The following NKAIN3 variants were observed in gnomAD, a reference collection of about 807,000 sequenced individuals.
NKAIN3 encodes sodium/potassium-transporting ATPase subunit beta-1-interacting protein 3.
In NKAIN3, 25 loss-of-function variants were observed where a neutral mutation model predicts 30.2. The observed-to-expected ratio is 0.83, with a 90% CI of 0.60 to 1.16. The LOEUF is 1.16. NKAIN3 is among the 50% of genes most tolerant of loss of function. NKAIN3 has a pLI of 0.00. For missense variants in NKAIN3, 225 were observed against 254.1 expected (o/e 0.89, Z 0.78); for synonymous variants, 91 against 89.6 (o/e 1.02, Z -0.09).
intron 1 of NKAIN3, among the ~76,000 whole-genome samples, chr8:62,376,432 TAA>T (rs1468801535): frequency 6.6e-6 from 1 of 152,224 alleles, no homozygotes; most frequent in Non-Finnish European, 1.5e-5. Context: ...GCTTATCATC[TAA>T]ATGCTGTCTC....
intron 3 of NKAIN3, among the ~76,000 whole-genome samples, chr8:62,706,440 T>C (rs571068118): frequency 6.6e-6 from 1 of 152,204 alleles, no homozygotes; most frequent in East Asian, 1.9e-4. Flanking sequence ...CTAAAAGTAA[T>C]GGATACTTTC....
At chr8:62,866,403 A>C (rs1820415776) in intron 4 of NKAIN3, among the ~76,000 whole-genome samples, 2 of 152,218 alleles carry the variant, frequency 1.3e-5, no homozygotes, top group Admixed American at 1.3e-4. Flanking sequence ...AAATTTTAGC[A>C]GCTTTTTTAT....
intron 1 of NKAIN3, among the ~76,000 whole-genome samples, chr8:62,409,403 C>G (rs1246563888): frequency 2.6e-5 from 4 of 152,138 alleles, no homozygotes; most frequent in Non-Finnish European, 5.9e-5. Flanking sequence ...AGGCTGGTCT[C>G]AAACTTCTGA....
chr8:62,459,653 A>G (rs1472571711), intron 1 of NKAIN3, among the ~76,000 whole-genome samples: 1 of 152,220 alleles, frequency 6.6e-6, no homozygotes, highest in African/African-American at 2.4e-5. Flanking sequence ...AGTAAGGTCA[A>G]GAAAAGTTTC....
At chr8:62,328,714 T>C (rs1490648540) in intron 1 of NKAIN3, among the ~76,000 whole-genome samples, 2 of 152,132 alleles carry the variant, frequency 1.3e-5, no homozygotes, top group Non-Finnish European at 2.9e-5. Flanking sequence ...AGCCCAGAAC[T>C]TTGCATAAAT....
chr8:62,805,604 G>C (rs1292650292), intron 4 of NKAIN3, among the ~76,000 whole-genome samples: 1 of 152,166 alleles, frequency 6.6e-6, no homozygotes, highest in Non-Finnish European at 1.5e-5. Context: ...GCCATATGTA[G>C]AAAGCTGAAA....
intron 1 of NKAIN3, among the ~76,000 whole-genome samples, chr8:62,534,314 G>C (rs907146392): frequency 2.0e-5 from 3 of 152,140 alleles, no homozygotes; most frequent in Non-Finnish European, 4.4e-5. Flanking sequence ...TGAAACACCT[G>C]TCTGGAAGAA....
rs545246958 is a variant in NKAIN3 at position 62,971,069 on chromosome 8, C to T, written c.*5662C>T. On this transcript the variant is annotated 3_prime_UTR_variant, in exon 7 of 7. Coordinates refer to ENST00000623646, the MANE Select transcript of NKAIN3 (RefSeq NM_001304533.3). ...TTCCCTAGAGACAAGGACCGAGACT[C>T]CTCTCATTGCTTCATCCTCTGTGGC... Among the ~76,000 whole-genome samples, 1 of 73,728 alleles carries T rather than the reference C, an allele frequency of 1.4e-5. No individual in the cohort carries two copies. The highest frequency in any genetic ancestry group is 1.6e-4 in the Admixed American group (1 of 6,120). The allele number at this position is 73,728 out of a possible 152,430, so 48.4% of individuals were successfully genotyped here.
intron 1 of NKAIN3, among the ~76,000 whole-genome samples, chr8:62,295,592 C>A (rs761980602): frequency 6.6e-6 from 1 of 152,032 alleles, no homozygotes; most frequent in African/African-American, 2.4e-5. Context: ...TGTAGTATAG[C>A]GGTTTCTATT....
chr8:62,322,758 A>G lies in NKAIN3; in HGVS notation c.54+73631A>G, dbSNP rs1002656468. ...ATCATGCTACAGATGGGGACAAAAC[A>G]TTTGCTGACAAACAAACAAAAACAC... is the stretch of plus-strand genomic sequence containing the variant. On this transcript the variant is annotated intron_variant, in intron 1 of 6. Coordinates refer to ENST00000623646, the MANE Select transcript of NKAIN3 (RefSeq NM_001304533.3). 2.6e-5 allele frequency among the ~76,000 whole-genome samples: 4 copies of G among 152,190 alleles called. No individual in the cohort carries two copies. In the East Asian group the frequency reaches 7.7e-4, roughly 29 times the overall value.
chr8:62,483,706 C>A, intron 1 of NKAIN3: 2 of 301,758 alleles, frequency 6.6e-6, no homozygotes, highest in South Asian at 7.8e-5. Flanking sequence ...AAGCCCTTGC[C>A]GAGTCAATAA....
At chr8:62,796,729 T>C (rs1443236370) in intron 4 of NKAIN3, among the ~76,000 whole-genome samples, 1 of 151,318 alleles carries the variant, frequency 6.6e-6, no homozygotes, top group African/African-American at 2.4e-5. Flanking sequence ...GTAATTTAAT[T>C]TGGTAGAAAG....
chr8:62,830,785 C>G (rs1317427455), intron 4 of NKAIN3, among the ~76,000 whole-genome samples: 1 of 152,158 alleles, frequency 6.6e-6, no homozygotes, highest in Non-Finnish European at 1.5e-5. Context: ...ATGCAGAGAA[C>G]TTCCAGCAGA....
At chr8:62,638,062 A>C (rs889840288) in intron 3 of NKAIN3, among the ~76,000 whole-genome samples, 1 of 152,142 alleles carries the variant, frequency 6.6e-6, no homozygotes, top group Non-Finnish European at 1.5e-5. Context: ...GCCTTGTGGA[A>C]ATATGTAAAA....
chr8:62,463,894 A>G (rs1461799065), intron 1 of NKAIN3, among the ~76,000 whole-genome samples: 1 of 152,166 alleles, frequency 6.6e-6, no homozygotes, highest in Non-Finnish European at 1.5e-5. Context: ...ACTGTAATAA[A>G]GACTGTAGCT....
intron 3 of NKAIN3, among the ~76,000 whole-genome samples, chr8:62,707,052 TACATACACAC>T (rs886762112): frequency 1.5e-4 from 15 of 99,268 alleles, no homozygotes; most frequent in African/African-American, 3.9e-4. Flanking sequence ...CCATCATACA[TACATACACAC>T]ACACACACAC....
chr8:62,685,595 T>A (rs1358784229), intron 3 of NKAIN3, among the ~76,000 whole-genome samples: 1 of 152,212 alleles, frequency 6.6e-6, no homozygotes, highest in East Asian at 1.9e-4. Context: ...CTTATTCTTT[T>A]AGTCAAGTAG....
chr8:62,349,060 C>G (rs1816100820), intron 1 of NKAIN3, among the ~76,000 whole-genome samples: 2 of 152,142 alleles, frequency 1.3e-5, no homozygotes, highest in South Asian at 4.1e-4. Flanking sequence ...ATATGCAATC[C>G]TAGTATTAAT....
chr8:62,271,891 C>A (rs1812788869), intron 1 of NKAIN3, among the ~76,000 whole-genome samples: 1 of 152,118 alleles, frequency 6.6e-6, no homozygotes, highest in African/African-American at 2.4e-5. Flanking sequence ...CCACTTGCCT[C>A]CATGTTGCGG....
Sources: allele counts gnomAD v4.1 joint callset (sites outside exome capture counted in the v4.1 genomes callset), GRCh38; gene constraint gnomAD v4.1.1; transcripts MANE v1.5; gene names NCBI Gene and HGNC (gene_info 2026-07-23, HGNC 2026-07-21).